The following CMIP variants were observed in gnomAD, a reference collection of about 807,000 sequenced individuals.
The protein encoded by CMIP is c-Maf inducing protein.
Under a neutral mutation model 97.3 loss-of-function variants are expected in CMIP, and 13 were observed. The observed-to-expected ratio is 0.13, with a 90% CI of 0.09 to 0.21. CMIP has a LOEUF of 0.21. Among genes scored for constraint, CMIP ranks in the 10% least tolerant of loss-of-function variants. The probability of loss-of-function intolerance (pLI) is 1.00; values close to 1 mark genes in which losing one functional copy is unlikely to be tolerated. For synonymous variants in CMIP, 538 were observed against 436.3 expected (o/e 1.23, Z -2.91); for missense variants, 847 against 1,024.9 (o/e 0.83, Z 2.37).
At chr16:81,559,599 A>C (rs1192348801) in intron 1 of CMIP, among the ~76,000 whole-genome samples, 2 of 152,200 alleles carry the variant, frequency 1.3e-5, no homozygotes, top group African/African-American at 2.4e-5. Flanking sequence ...ATAGCTGTAG[A>C]GATGTCATAG....
intron 2 of CMIP, among the ~76,000 whole-genome samples, chr16:81,615,015 CTGTG>C (rs1299429399): frequency 7.8e-6 from 1 of 127,682 alleles, no homozygotes; most frequent in Non-Finnish European, 1.7e-5. Flanking sequence ...TGTGATGTCT[CTGTG>C]TGTATATGGT....
At position 81,673,646 on chromosome 16, in the gene CMIP, C is replaced by T. The variant is rs145034214; in HGVS notation, c.1034+1576C>T. Among the ~76,000 whole-genome samples the T allele has an allele frequency of 8.8e-3, 1,345 of 152,328 alleles. 9 individuals carry two copies. The highest frequency in any genetic ancestry group is 0.014 in the Non-Finnish European group (925 of 68,034). ...AGAGTTGCTCTGCTGAGAGTTGCTC[C>T]GCCGAGGCTGGCGGTGCTGGGATAG... is the stretch of plus-strand genomic sequence containing the variant. On this transcript the variant is annotated intron_variant, in intron 9 of 20. Transcript: ENST00000537098.
chr16:81,708,320 A>G (rs1017928334), intron 20 of CMIP, among the ~76,000 whole-genome samples: 1 of 152,248 alleles, frequency 6.6e-6, no homozygotes, highest in African/African-American at 2.4e-5. Flanking sequence ...GGGGGCCAAC[A>G]GAAATGCAGG....
chr16:81,546,723 C>A (rs2090553053), intron 1 of CMIP, among the ~76,000 whole-genome samples: 1 of 152,162 alleles, frequency 6.6e-6, no homozygotes, highest in Non-Finnish European at 1.5e-5. Flanking sequence ...TTCATTCATT[C>A]TCTTGTTCAG....
At chr16:81,700,877 G>C (rs966236070) in intron 15 of CMIP, among the ~76,000 whole-genome samples, 13 of 152,138 alleles carry the variant, frequency 8.5e-5, no homozygotes, top group African/African-American at 3.1e-4. Context: ...ATTTAATCTT[G>C]GCTGTCCTGT....
Position 81,620,915 on chromosome 16 carries a change from C to G in CMIP, c.466C>G (p.Leu156Val). 4 of 1,614,004 alleles carry G rather than the reference C, an allele frequency of 2.5e-6. No individual in the cohort carries two copies. Among genetic ancestry groups the G allele is most frequent in the Non-Finnish European group, 3.4e-6 (4 of 1,179,872 alleles). The change falls in exon 3 of 21, where the codon CTG becomes GTG. Residue 156 changes from leucine (L) to valine (V), a missense_variant. Around this residue, in one of 4 missense-constraint regions of CMIP, gnomAD observed 285 missense variants for 392.2 expected, o/e 0.73. Transcript: ENST00000537098. ...SYLRDQWFHS[L>V]QWKKKIYKYK... ...CCTGCGAGACCAGTGGTTCCATTCT[C>G]TGCAATGGAAGGTAAGTACTGACTC... is the stretch of plus-strand genomic sequence containing the variant.
intron 1 of CMIP, among the ~76,000 whole-genome samples, chr16:81,467,240 T>C (rs915298739): frequency 6.6e-6 from 1 of 152,214 alleles, no homozygotes; most frequent in Non-Finnish European, 1.5e-5. Context: ...CCGCAACCAG[T>C]CTGAGTGCCC....
At chr16:81,701,152 G>T (rs1243579893) in intron 15 of CMIP, among the ~76,000 whole-genome samples, 1 of 151,896 alleles carries the variant, frequency 6.6e-6, no homozygotes, top group Non-Finnish European at 1.5e-5. Context: ...GAAAGGGAAT[G>T]TCAGAGGCAG....
intron 1 of CMIP, among the ~76,000 whole-genome samples, chr16:81,496,595 G>A (rs866818226): frequency 6.6e-6 from 1 of 152,214 alleles, no homozygotes; most frequent in South Asian, 2.1e-4. Context: ...GTGGGGTGCG[G>A]GAGAGCTCAG....
chr16:81,483,623 C>T (rs1030127016), intron 1 of CMIP, among the ~76,000 whole-genome samples: 1 of 152,182 alleles, frequency 6.6e-6, no homozygotes, highest in Admixed American at 6.5e-5. Context: ...CTGACCCTCC[C>T]CCAGCTGCCC....
At position 81,547,749 on chromosome 16, in the gene CMIP, A is replaced by G. The variant is rs139331632; in HGVS notation, c.301-59818A>G. On this transcript the variant is annotated intron_variant, in intron 1 of 20. Transcript: ENST00000537098. ...CCTCTTCCCTTTGGGGAAGTGCAAGATGAAGAAGAATTGGAGAGGCTGGCT... is the reference window on the plus strand; with the variant it reads ...CCTCTTCCCTTTGGGGAAGTGCAAGGTGAAGAAGAATTGGAGAGGCTGGCT... 2.0e-5 allele frequency among the ~76,000 whole-genome samples: 3 copies of G among 152,298 alleles called. No homozygotes were observed. The East Asian group carries it at 5.8e-4, about 29-fold the overall frequency.
At chr16:81,471,393 T>C (rs142458748) in intron 1 of CMIP, among the ~76,000 whole-genome samples, 2 of 149,606 alleles carry the variant, frequency 1.3e-5, no homozygotes, top group African/African-American at 2.4e-5. Flanking sequence ...CATATGCATA[T>C]ACACGTACAA....
intron 1 of CMIP, among the ~76,000 whole-genome samples, chr16:81,449,667 TTTC>T (rs1906086511): frequency 5.2e-5 from 5 of 96,914 alleles, no homozygotes; most frequent in African/African-American, 3.1e-4. Context: ...AACACACAGA[TTTC>T]CCCCCCCCCC....
At position 81,453,147 on chromosome 16, in the gene CMIP, AC is replaced by A. The variant is rs1262586449; in HGVS notation, c.300+7608del. Among the ~76,000 whole-genome samples the A allele has an allele frequency of 6.6e-6, 1 of 152,012 alleles. No individual in the cohort carries two copies. The highest frequency in any genetic ancestry group is 1.9e-4 in the East Asian group (1 of 5,190). On this transcript the variant is annotated intron_variant, in intron 1 of 20. Transcript: ENST00000537098. The surrounding 1 kb of genome is among the most constrained non-coding windows in gnomAD (Gnocchi z 4.0). ...ACCCTTGCAGCTGGCTCAGCAGCCC[AC>A]CTGGGATTCAAACCCAGACTCCTGC... is the stretch of plus-strand genomic sequence containing the variant.
At chr16:81,543,096 C>T (rs1218993017) in intron 1 of CMIP, among the ~76,000 whole-genome samples, 1 of 152,252 alleles carries the variant, frequency 6.6e-6, no homozygotes, top group African/African-American at 2.4e-5. Context: ...GGGCCCAGGC[C>T]TGGCTGGTGG....
At chr16:81,512,297 G>T (rs769417933) in intron 1 of CMIP, among the ~76,000 whole-genome samples, 3 of 152,064 alleles carry the variant, frequency 2.0e-5, no homozygotes, top group East Asian at 1.9e-4. Context: ...TCATGCCTTG[G>T]TGGGGGTCTT....
intron 1 of CMIP, among the ~76,000 whole-genome samples, chr16:81,541,923 G>A (rs1478919311): frequency 1.3e-5 from 2 of 152,198 alleles, no homozygotes; most frequent in Non-Finnish European, 2.9e-5. Flanking sequence ...AAAACGAAAT[G>A]TCTATTTCAT....
intron 1 of CMIP, among the ~76,000 whole-genome samples, chr16:81,529,364 C>T (rs998091746): frequency 5.9e-5 from 9 of 152,150 alleles, no homozygotes; most frequent in East Asian, 1.9e-4. Context: ...CCCGAGTCAC[C>T]GAGTGTGGGT....
chr16:81,539,294 G>T (rs1223216535), intron 1 of CMIP, among the ~76,000 whole-genome samples: 2 of 152,322 alleles, frequency 1.3e-5, no homozygotes, highest in Admixed American at 6.5e-5. Flanking sequence ...GAGCGGAATG[G>T]TGAGAAGGTT....
Sources: gnomAD v4.1 joint callset for allele counts (sites outside exome capture counted in the v4.1 genomes callset) on GRCh38, gnomAD v4.1.1 for gene constraint, gnomAD v4.1.1 regional missense constraint, Gnocchi (gnomAD v3.1) non-coding constraint, MANE v1.5 for transcripts, NCBI Gene and HGNC (gene_info 2026-07-23, HGNC 2026-07-21) for gene names.